The following ACP1 variants were observed in gnomAD, a reference collection of about 807,000 sequenced individuals.
ACP1 encodes acid phosphatase 1.
In ACP1, 23 loss-of-function variants were observed where a neutral mutation model predicts 23.4. The ratio of observed to expected loss-of-function variants is 0.98; its 90% CI spans 0.71 to 1.39. The LOEUF (loss-of-function observed/expected upper bound fraction) is 1.39. ACP1 is among the 40% of genes most tolerant of loss of function. The probability of loss-of-function intolerance (pLI) is 0.00; values close to 1 mark genes in which losing one functional copy is unlikely to be tolerated. For synonymous variants in ACP1, 72 were observed against 67.2 expected, an observed-to-expected ratio of 1.07 and a Z score of -0.35; for missense variants, 180 against 197.7, an observed-to-expected ratio of 0.91 and a Z score of 0.54.
At chr2:271,701 G>T (rs1472454823) in intron 1 of ACP1, among the ~76,000 whole-genome samples, 165 bp from the exon 2 acceptor site, 1 of 152,118 alleles carries the variant, frequency 6.6e-6, no homozygotes, top group African/African-American at 2.4e-5. Flanking sequence ...CTCCAGCAGG[G>T]TCTACCCTCA....
chr2:266,431 T>C (rs1384864979), intron 1 of ACP1: 2 of 152,212 alleles, frequency 1.3e-5, no homozygotes, highest in African/African-American at 2.4e-5. Context: ...TGTATAGTTT[T>C]GGTTGGTATT....
intron 1 of ACP1, 43 bp from the exon 2 acceptor site, chr2:271,823 A>G (rs779903656): frequency 6.6e-7 from 1 of 1,522,412 alleles, no homozygotes; most frequent in Admixed American, 1.7e-5. Context: ...GTGCCCTTCC[A>G]TCCAACCTAA....
intron 4 of ACP1, among the ~76,000 whole-genome samples, chr2:276,578 CGTGCTGTGGGAA>C (rs1482121112): frequency 1.3e-5 from 2 of 152,072 alleles, no homozygotes; most frequent in Non-Finnish European, 2.9e-5. Context: ...AGGAGTGGGT[CGTGCTGTGGGAA>C]GTGCTGTGTC....
intron 1 of ACP1, among the ~76,000 whole-genome samples, chr2:266,553 G>A (rs2103070104): frequency 6.6e-6 from 1 of 152,288 alleles, no homozygotes. Context: ...ACTCCCCAGT[G>A]GATCCCGAAA....
chr2:272,228 G>T, intron 3 of ACP1, 78 bp downstream of exon 3: 1 of 1,614,170 alleles, frequency 6.2e-7, no homozygotes, highest in Admixed American at 1.7e-5. Flanking sequence ...TGACTGGAAC[G>T]TGGGCCGGTC....
intron 5 of ACP1, 59 bp downstream of exon 5, chr2:277,144 A>G (rs1670196746): frequency 6.3e-7 from 1 of 1,575,594 alleles, no homozygotes; most frequent in Admixed American, 1.7e-5. Context: ...GTATCCTGCC[A>G]TATTAAATAA....
chr2:267,925 T>TACA lies in ACP1; in HGVS notation c.43+2919_43+2920insCAA, dbSNP rs1669931565. Among the ~76,000 whole-genome samples the TACA allele has an allele frequency of 2.0e-5, 3 of 152,350 alleles. No individual in the cohort carries two copies. The South Asian group carries it at 6.2e-4, about 32-fold the overall frequency. On this transcript the variant is annotated intron_variant, in intron 1 of 5. Transcript: ENST00000272065. Reference sequence around the variant, plus strand: ...GACATCAGAATTGGATGGAACTCTGTATAATTTTCACATGTCACAAGGTAC... The same window carrying TACA: ...GACATCAGAATTGGATGGAACTCTGTACAATAATTTTCACATGTCACAAGGTAC...
chr2:265,118 G>C (rs1489513642), intron 1 of ACP1, 111 bp downstream of exon 1: 2 of 1,340,354 alleles, frequency 1.5e-6, no homozygotes, highest in African/African-American at 3.0e-5. Context: ...GAGGAGGCCA[G>C]GGACTGGGAG....
At chr2:265,133 A>G in intron 1 of ACP1, 126 bp downstream of exon 1, 1 of 1,157,826 alleles carries the variant, frequency 8.6e-7, no homozygotes, top group South Asian at 1.4e-5. Flanking sequence ...TGGGAGGCCT[A>G]GGGTGTTCTA....
Position 275,131 on chromosome 2 carries a change from C to T in ACP1, c.232-9C>T, listed in dbSNP as rs1558264553. On this transcript the variant is annotated splice_polypyrimidine_tract_variant and intron_variant, in intron 3 of 5. Coordinates refer to ENST00000272065, the MANE Select transcript of ACP1 (RefSeq NM_004300.4). ...AAACACTGTGTTTTGACTTCTTATT[C>T]AATTTTAGATTACCAAAGAAGATTT... 1.4e-6 allele frequency: 2 copies of T among 1,455,308 alleles called. No homozygotes were observed. The highest frequency in any genetic ancestry group is 1.9e-6 in the Non-Finnish European group (2 of 1,052,758). The allele number at this position is 1,455,308 out of a possible 1,614,324, so 90.1% of individuals were successfully genotyped here. A position where few individuals can be genotyped will look rare whatever the true frequency, so the allele number is the denominator to read the frequency against.
chr2:265,071 C>T (rs1305864046), intron 1 of ACP1, 64 bp downstream of exon 1: 7 of 1,595,040 alleles, frequency 4.4e-6, no homozygotes, highest in Middle Eastern at 1.7e-4. Context: ...GGCTTGTGCG[C>T]TGTAGGTTGT....
At chr2:275,309 G>A in intron 4 of ACP1, 108 bp downstream of exon 4, 1 of 541,838 alleles carries the variant, frequency 1.8e-6, no homozygotes, top group Non-Finnish European at 3.3e-6. Context: ...TTAATAGTCA[G>A]TGATGGTCAC....
intron 1 of ACP1, among the ~76,000 whole-genome samples, chr2:265,698 T>C (rs549574741): frequency 6.6e-6 from 1 of 152,356 alleles, no homozygotes; most frequent in East Asian, 1.9e-4. Flanking sequence ...CAAGGTTATA[T>C]TCCTCGGTGC....
chr2:269,513 CTTAG>C lies in ACP1; in HGVS notation c.44-2347_44-2344del, dbSNP rs151334324. The stretch of plus-strand genomic sequence containing the variant: ...CCCTAATAGTGATAAAGAGTAAACT[CTTAG>C]TTAGTGCTGCCTATTCTCACAGTTC... On this transcript the variant is annotated intron_variant, in intron 1 of 5. Transcript: ENST00000272065. Among the ~76,000 whole-genome samples, 884 of 152,258 alleles carry C rather than the reference CTTAG, an allele frequency of 5.8e-3. 11 individuals carry two copies. Among genetic ancestry groups the C allele is most frequent in the African/African-American group, 0.02 (834 of 41,544 alleles).
At chr2:276,114 G>A (rs1245367346) in intron 4 of ACP1, among the ~76,000 whole-genome samples, 1 of 152,118 alleles carries the variant, frequency 6.6e-6, no homozygotes, top group Non-Finnish European at 1.5e-5. Flanking sequence ...TTGCGTGTGG[G>A]GCAAGTGGAG....
chr2:272,614 A>G (rs1216524535), intron 3 of ACP1: 2 of 637,898 alleles, frequency 3.1e-6, no homozygotes, highest in East Asian at 3.2e-5. Flanking sequence ...CATTTAGGCC[A>G]TAGTAATCAT....
intron 1 of ACP1, chr2:269,367 C>G (rs750263463): frequency 2.1e-6 from 1 of 469,526 alleles, no homozygotes; most frequent in South Asian, 1.6e-5. Context: ...ATGCTTAGGT[C>G]TTACAATGTA....
intron 4 of ACP1, chr2:275,449 A>T (rs1037445265): frequency 3.6e-6 from 1 of 281,576 alleles, no homozygotes; most frequent in African/African-American, 2.2e-5. Flanking sequence ...TTAATTGGAA[A>T]ACTAGCTTGG....
intron 1 of ACP1, 143 bp downstream of exon 1, chr2:265,150 T>A (rs556600041): frequency 2.2e-6 from 2 of 919,866 alleles, no homozygotes; most frequent in South Asian, 1.8e-5. Context: ...TCTAGGAGTG[T>A]GCCGCAGCGC....
Sources: allele counts gnomAD v4.1 joint callset (sites outside exome capture counted in the v4.1 genomes callset), GRCh38; gene constraint gnomAD v4.1.1; transcripts MANE v1.5; gene names NCBI Gene and HGNC (gene_info 2026-07-23, HGNC 2026-07-21).